Variants in NPC1L1 observed in about 807,000 individuals in gnomAD.
NPC1L1 encodes NPC1 like intracellular cholesterol transporter 1.
NPC1L1 carries 98 observed loss-of-function variants against 117.0 expected under a neutral mutation model. The ratio of observed to expected loss-of-function variants is 0.84; its 90% CI spans 0.71 to 0.99. The LOEUF (loss-of-function observed/expected upper bound fraction) is 0.99, where lower values mean the gene tolerates loss of function less well. Among genes scored for constraint, NPC1L1 ranks in the 50% least tolerant of loss-of-function variants. The pLI is 0.00. For synonymous variants in NPC1L1, 729 were observed against 727.6 expected, an observed-to-expected ratio of 1.00 and a Z score of -0.03; for missense variants, 1,540 against 1,710.0, an observed-to-expected ratio of 0.90 and a Z score of 1.75.
rs945543628 is a variant in NPC1L1 at position 44,539,316 on chromosome 7, T to C, written c.1081A>G (p.Ile361Val). Reference sequence around the variant, plus strand: ...CCCGCTGCCAAGGCCACCACCGGGATGACAGATAGCACCAAGATGGTCAGA... The same window carrying C: ...CCCGCTGCCAAGGCCACCACCGGGACGACAGATAGCACCAAGATGGTCAGA... The part of the protein sequence containing the change: ...WPLTILVLSV[I>V]PVVALAAGLV... Residue 361 changes from isoleucine (I) to valine (V), a missense_variant, in exon 2 of 19, where the codon ATC becomes GTC. Ile to Val is a conservative substitution (Grantham distance 29, BLOSUM62 3). Around this residue, in one of 3 missense-constraint regions of NPC1L1, gnomAD observed 793 missense variants for 820.4 expected, o/e 0.97. Transcript: ENST00000381160. The surrounding 1 kb of genome is among the most constrained non-coding windows in gnomAD (Gnocchi z 4.4). 1 of 1,613,670 alleles carries C rather than the reference T, an allele frequency of 6.2e-7. No homozygotes were observed. Among genetic ancestry groups the C allele is most frequent in the Admixed American group, 1.7e-5 (1 of 60,008 alleles).
Position 44,513,312 on chromosome 7 carries a change from C to G in NPC1L1, c.*135G>C, listed in dbSNP as rs981061313. ...GGATACCTCAAGAGCAGGCCATCCT[C>G]CAGTGACAGGCAGTCTCATGGGAAT... On this transcript the variant is annotated 3_prime_UTR_variant, in exon 19 of 19. Transcript: ENST00000381160. The G allele has an allele frequency of 2.4e-6, 2 of 836,404 alleles. No individual in the cohort carries two copies. The highest frequency in any genetic ancestry group is 3.3e-5 in the African/African-American group (2 of 59,708). The allele number at this position is 836,404 out of a possible 1,614,324, so 51.8% of individuals were successfully genotyped here.
Position 44,531,766 on chromosome 7 carries a change from C to CCAG in NPC1L1, c.2623_2625dup (p.Leu875dup), listed in dbSNP as rs1184550419. On this transcript the variant is annotated inframe_insertion, in exon 10 of 19. Coordinates refer to ENST00000381160, the MANE Select transcript of NPC1L1 (RefSeq NM_001101648.2). ...GGGCCTGGGCTCACCTTGGGCAGGG[C>CCAG]CAGCTCCTGGTCCAGTCCCACGCTG... The CCAG allele has an allele frequency of 6.3e-7, 1 of 1,576,652 alleles. No individual in the cohort carries two copies. The highest frequency in any genetic ancestry group is 8.6e-7 in the Non-Finnish European group (1 of 1,161,176).
chr7:44,539,124 G>C lies in NPC1L1; in HGVS notation c.1273C>G (p.Leu425Val), dbSNP rs1278913417. 2 of 1,614,166 alleles carry C rather than the reference G, an allele frequency of 1.2e-6. No homozygotes were observed. Among genetic ancestry groups the C allele is most frequent in the Middle Eastern group, 1.6e-4 (1 of 6,062 alleles). The part of the protein sequence containing the change: ...PNRSSYRYDS[L>V]LLGPKNFSGI... ...CTGAAGTTCTTGGGCCCCAGCAGCA[G>C]AGAGTCATACCTGTAGCTGGACCGG... is the stretch of plus-strand genomic sequence containing the variant. Residue 425 changes from leucine (L) to valine (V), a missense_variant, in exon 2 of 19, where the codon CTG becomes GTG. By Grantham distance (32) the Leu-to-Val change is conservative. Transcript: ENST00000381160. This position sits in a 1 kb window ranked among gnomAD's most constrained non-coding sequence, Gnocchi z 4.4.
chr7:44,530,033 C>CA (rs112517128), intron 10 of NPC1L1, among the ~76,000 whole-genome samples: 8,353 of 125,276 alleles, frequency 0.067, 686 homozygotes, highest in African/African-American at 0.2. Flanking sequence ...GACTCCATCT[C>CA]AAAAAAAAAA....
intron 2 of NPC1L1, 104 bp from the exon 3 acceptor site, chr7:44,537,046 G>T (rs1801922366): frequency 3.4e-6 from 3 of 883,802 alleles, no homozygotes; most frequent in Middle Eastern, 3.5e-4. Flanking sequence ...ACTATGGAGG[G>T]TGAGCTGGTG....
intron 1 of NPC1L1, 63 bp downstream of exon 1, chr7:44,541,143 G>A (rs565357971): frequency 1.7e-5 from 26 of 1,521,100 alleles, no homozygotes; most frequent in East Asian, 1.2e-4. Flanking sequence ...CCTGGTACAC[G>A]GCTGGCCCCA....
rs919671428 is a variant in NPC1L1 at position 44,538,677 on chromosome 7, C to T, written c.1580+140G>A. ...CGAGGGGCAGAGATAATCATCTGGG[C>T]GGCCCCAGGCCAGAGCCGTAGGAAT... On this transcript the variant is annotated intron_variant, in intron 2 of 18. Transcript: ENST00000381160. The surrounding 1 kb of genome is among the most constrained non-coding windows in gnomAD (Gnocchi z 5.9). 10 of 827,126 alleles carry T rather than the reference C, an allele frequency of 1.2e-5. No homozygotes were observed. The highest frequency in any genetic ancestry group is 5.1e-5 in the East Asian group (2 of 39,408). The allele number at this position is 827,126 out of a possible 1,614,324, so 51.2% of individuals were successfully genotyped here.
In NPC1L1 at chr7:44,533,533, C is replaced by G. The variant is rs1348043458; in HGVS notation, c.2307G>C (p.Val769=). ...FLGALTPMPA[V]RTFALTSGLA... ...GGCCAGAGGTCAGGGCAAAGGTCCG[C>G]ACAGCTGGCATGGGGGTCAGGGCCC... The change falls in exon 8 of 19, where the codon GTG becomes GTC. Residue 769 remains valine (V), a synonymous_variant. Coordinates refer to ENST00000381160, the MANE Select transcript of NPC1L1 (RefSeq NM_001101648.2). 6.2e-7 allele frequency: 1 copy of G among 1,614,220 alleles called. No individual in the cohort carries two copies.
At chr7:44,527,672 T>C (rs1801566902) in intron 10 of NPC1L1, among the ~76,000 whole-genome samples, 2 of 152,012 alleles carry the variant, frequency 1.3e-5, no homozygotes. Context: ...AGAGCAAGAC[T>C]CTGCCTCTTT....
intron 1 of NPC1L1, among the ~76,000 whole-genome samples, chr7:44,540,808 G>A (rs956502291): frequency 2.0e-5 from 3 of 151,934 alleles, no homozygotes; most frequent in African/African-American, 7.3e-5. Context: ...AGGAACTTAA[G>A]AGGTGCCAGC....
intron 18 of NPC1L1, among the ~76,000 whole-genome samples, chr7:44,513,897 T>C (rs217433): frequency 0.17 from 25,989 of 152,000 alleles, 2,384 homozygotes; most frequent in Non-Finnish European, 0.21. Flanking sequence ...GGATATCCTT[T>C]GTCCAAGCAC....
At chr7:44,521,505 G>C (rs1424129659) in intron 12 of NPC1L1, among the ~76,000 whole-genome samples, 1 of 152,208 alleles carries the variant, frequency 6.6e-6, no homozygotes, top group Non-Finnish European at 1.5e-5. Context: ...CAGTATACAT[G>C]TGTGATGCCC....
At chr7:44,526,208 A>G (rs1019056766) in intron 10 of NPC1L1, among the ~76,000 whole-genome samples, 2 of 151,708 alleles carry the variant, frequency 1.3e-5, no homozygotes, top group Non-Finnish European at 2.9e-5. Context: ...TGAAGAAAAA[A>G]CAATTGTCAA....
In NPC1L1 at chr7:44,536,099, T is replaced by A; in HGVS notation, c.1855-131A>T. The stretch of plus-strand genomic sequence containing the variant: ...CCTGATGGCCCCCTATAATCGCAGG[T>A]GAGGCTATAAGAACAGCCATCACAA... On this transcript the variant is annotated intron_variant, in intron 4 of 18. Transcript: ENST00000381160. The surrounding 1 kb of genome is among the most constrained non-coding windows in gnomAD (Gnocchi z 4.7). 3 of 1,543,796 alleles carry A rather than the reference T, an allele frequency of 1.9e-6. No homozygotes were observed. The highest frequency in any genetic ancestry group is 1.4e-5 in the African/African-American group (1 of 73,572).
chr7:44,513,598 G>C lies in NPC1L1; in HGVS notation c.3848C>G (p.Ala1283Gly). 1 of 1,613,766 alleles carries C rather than the reference G, an allele frequency of 6.2e-7. No homozygotes were observed. Among genetic ancestry groups the C allele is most frequent in the Non-Finnish European group, 8.5e-7 (1 of 1,180,016 alleles). ...AGAGGCCACCATGACTGCTGCCACC[G>C]CCTCCTCAGCCCGCTTCTGCTCCAG... ...LALEQKRAEE[A>G]VAAVMVASCP... Residue 1283 changes from alanine to glycine, a missense_variant, in exon 19 of 19, where the codon GCG becomes GGG. This residue lies in a region of NPC1L1 where 742 missense variants were observed against 873.6 expected (regional missense o/e 0.85). Transcript: ENST00000381160.
chr7:44,536,690 G>A lies in NPC1L1; in HGVS notation c.1681+152C>T. 5.3e-6 allele frequency: 4 copies of A among 761,256 alleles called. No homozygotes were observed. Among genetic ancestry groups the A allele is most frequent in the South Asian group, 1.6e-5 (1 of 64,112 alleles). The allele number at this position is 761,256 out of a possible 1,614,324, so 47.2% of individuals were successfully genotyped here. On this transcript the variant is annotated intron_variant, in intron 3 of 18. Transcript: ENST00000381160. The surrounding 1 kb of genome is among the most constrained non-coding windows in gnomAD (Gnocchi z 4.7). The stretch of plus-strand genomic sequence containing the variant: ...TAGAAGATAAAGGAGATGGCAGAGA[G>A]AGGAAACAGGACAGGGTTGGCCTAC...
chr7:44,532,169 G>A lies in NPC1L1; in HGVS notation c.2458C>T (p.Pro820Ser). The A allele has an allele frequency of 6.2e-7, 1 of 1,614,028 alleles. No homozygotes were observed. Among genetic ancestry groups the A allele is most frequent in the Non-Finnish European group, 8.5e-7 (1 of 1,180,020 alleles). ...CCCVKPQELP[P>S]PGQGEGLLLG... ...AGGAGCCCCTCTCCCTGGCCAGGCG[G>A]GGGCAGCTCCTGGGGCTTGACACAG... The change falls in exon 9 of 19, where the codon CCG (proline) becomes TCG (serine). Residue 820 changes from proline (P) to serine (S), a missense_variant. Pro to Ser is a moderately conservative substitution (Grantham distance 74, BLOSUM62 -1). This residue lies in a region of NPC1L1 where 742 missense variants were observed against 873.6 expected (regional missense o/e 0.85). Transcript: ENST00000381160.
chr7:44,523,773 A>G (rs1053167666), intron 10 of NPC1L1, among the ~76,000 whole-genome samples: 1 of 152,184 alleles, frequency 6.6e-6, no homozygotes, highest in Non-Finnish European at 1.5e-5. Flanking sequence ...AGGCTGAAAT[A>G]GGAGAATCAT....
In NPC1L1 at chr7:44,516,800, T is replaced by C. The variant is rs1563200856; in HGVS notation, c.3422A>G (p.Asn1141Ser). 6.2e-7 allele frequency: 1 copy of C among 1,613,732 alleles called. No homozygotes were observed. Among genetic ancestry groups the C allele is most frequent in the Non-Finnish European group, 8.5e-7 (1 of 1,179,930 alleles). Residue 1141 changes from asparagine (N) to serine (S), a missense_variant, in exon 16 of 19, where the codon AAC becomes AGC. Asn to Ser is a conservative substitution (Grantham distance 46). Coordinates refer to ENST00000381160, the MANE Select transcript of NPC1L1 (RefSeq NM_001101648.2). ...LGLDLRSGLL[N>S]LLSIVMILVD... is the part of the protein sequence containing the mutation. ...GAGGATCATGACAATGGAGAGCAGGTTGAGGAGGCCGGAGCGCAGGTCCAG... is the reference window on the plus strand; with the variant it reads ...GAGGATCATGACAATGGAGAGCAGGCTGAGGAGGCCGGAGCGCAGGTCCAG...
Sources: gnomAD v4.1 joint callset for allele counts (sites outside exome capture counted in the v4.1 genomes callset) on GRCh38, gnomAD v4.1.1 for gene constraint, gnomAD v4.1.1 regional missense constraint, Gnocchi (gnomAD v3.1) non-coding constraint, MANE v1.5 for transcripts, NCBI Gene and HGNC (gene_info 2026-07-23, HGNC 2026-07-21) for gene names.